The following ARHGAP21 variants were observed in gnomAD, a reference collection of about 807,000 sequenced individuals.
The protein encoded by ARHGAP21 is Rho GTPase activating protein 21, also known as rho GTPase-activating protein 21.
In ARHGAP21, 38 loss-of-function variants were observed where a neutral mutation model predicts 164.6. The observed-to-expected ratio is 0.23, with a 90% CI of 0.18 to 0.30. ARHGAP21 has a LOEUF of 0.30. ARHGAP21 is among the 10% of genes least tolerant of loss of function. The pLI, the probability that ARHGAP21 is intolerant of heterozygous loss-of-function variation, is 1.00. For missense variants in ARHGAP21, 1,822 were observed against 2,370.7 expected (o/e 0.77, Z 4.81); for synonymous variants, 766 against 857.9 (o/e 0.89, Z 1.87).
chr10:24,629,526 A>C (rs1211380995), intron 7 of ARHGAP21: 1 of 158,736 alleles, frequency 6.3e-6, no homozygotes, highest in African/African-American at 2.4e-5. Flanking sequence ...CTGCTTGGTG[A>C]ATTTACAAAC....
intron 4 of ARHGAP21, among the ~76,000 whole-genome samples, chr10:24,657,150 G>T (rs1179883452): frequency 3.5e-5 from 1 of 28,790 alleles, no homozygotes; most frequent in Non-Finnish European, 6.9e-5. Context: ...CCGGCCAGCC[G>T]CCCCGTCCGG....
chr10:24,597,559 T>C lies in ARHGAP21; in HGVS notation c.3222A>G (p.Thr1074=). ...LMSKAEQLPK[T]PRQSLSIRQT... ...GCCTGATGCTGAGACTCTGGCGAGG[T>C]GTTTTTGGCAACTGTTCTGCTTTGC... is the stretch of plus-strand genomic sequence containing the variant. Residue 1074 remains threonine (T), a synonymous_variant, in exon 16 of 26, where the codon ACA becomes ACG. Transcript: ENST00000396432. The C allele has an allele frequency of 6.2e-7, 1 of 1,613,988 alleles. No individual in the cohort carries two copies. Among genetic ancestry groups the C allele is most frequent in the African/African-American group, 1.3e-5 (1 of 75,000 alleles).
At chr10:24,631,059 G>A (rs1364724215) in intron 6 of ARHGAP21, among the ~76,000 whole-genome samples, 5 of 152,272 alleles carry the variant, frequency 3.3e-5, no homozygotes, top group African/African-American at 1.2e-4. Context: ...AAACAAAACT[G>A]AATCCTGTGA....
At position 24,591,678 on chromosome 10, in the gene ARHGAP21, G is replaced by C. The variant is rs2076337107; in HGVS notation, c.4008C>G (p.Asp1336Glu). 1.2e-6 allele frequency: 2 copies of C among 1,613,916 alleles called. No homozygotes were observed. The highest frequency in any genetic ancestry group is 1.7e-6 in the Non-Finnish European group (2 of 1,179,946). ...CAGCACCTTCTTCTGTGAAAAACCA[G>C]TCATGCTAAAATTTAAAAAAGGTGA... The part of the protein sequence containing the change: ...KIVETLIQHH[D>E]WFFTEEGAEE... Residue 1336 changes from aspartate to glutamate, a missense_variant, in exon 23 of 26, where the codon GAC (aspartate) becomes GAG (glutamate). This residue lies in a region of ARHGAP21 where 117 missense variants were observed against 238.1 expected (regional missense o/e 0.49). Coordinates refer to ENST00000396432, the MANE Select transcript of ARHGAP21 (RefSeq NM_020824.4).
At chr10:24,638,430 A>G (rs960713029) in intron 4 of ARHGAP21, among the ~76,000 whole-genome samples, 10 of 152,226 alleles carry the variant, frequency 6.6e-5, no homozygotes, top group Non-Finnish European at 1.3e-4. Flanking sequence ...CAGAAGTATC[A>G]TATTTAACAC....
intron 7 of ARHGAP21, chr10:24,628,908 CAT>C (rs1236746616): frequency 1.4e-5 from 1 of 70,900 alleles, no homozygotes; most frequent in Non-Finnish European, 2.7e-5. Context: ...CATATATACA[CAT>C]ATATACACAT....
In ARHGAP21 at chr10:24,664,419, G is replaced by T. The variant is rs191246986; in HGVS notation, c.268+2566C>A. On this transcript the variant is annotated intron_variant, in intron 4 of 25. Transcript: ENST00000396432. ...AAAATACAAAAATTAGCTGGGCGTG[G>T]TGGCGTGCGCTTTTAGTCCCAGCTA... Among the ~76,000 whole-genome samples, 161 of 152,072 alleles carry T rather than the reference G, an allele frequency of 1.1e-3. 1 individual carries two copies. The highest frequency in any genetic ancestry group is 6.8e-3 in the Middle Eastern group (2 of 294).
chr10:24,637,647 G>C (rs1199793886), intron 4 of ARHGAP21, among the ~76,000 whole-genome samples: 2 of 152,156 alleles, frequency 1.3e-5, no homozygotes, highest in Admixed American at 1.3e-4. Context: ...CACTTACACA[G>C]AACAGAGGTG....
At chr10:24,595,334 C>A in intron 19 of ARHGAP21, 144 bp from the exon 20 acceptor site, 1 of 760,408 alleles carries the variant, frequency 1.3e-6, no homozygotes. Flanking sequence ...AATGTAAGTT[C>A]CCTGCAGGAA....
At chr10:24,586,831 C>T (rs979424445) in intron 25 of ARHGAP21, among the ~76,000 whole-genome samples, 4 of 152,046 alleles carry the variant, frequency 2.6e-5, no homozygotes, top group African/African-American at 4.8e-5. Flanking sequence ...GCAGATTGCT[C>T]GAGCCCAGAA....
rs757609047 is a variant in ARHGAP21 at position 24,591,696 on chromosome 10, A to AAAG, written c.4003-16_4003-14dup. 1.9e-6 allele frequency: 3 copies of AAAG among 1,613,784 alleles called. No homozygotes were observed. The highest frequency in any genetic ancestry group is 1.7e-6 in the Non-Finnish European group (2 of 1,179,782). ...AAAACCAGTCATGCTAAAATTTAAA[A>AAAG]AAGGTGAGAAGAGAAATTAAACAAG... On this transcript the variant is annotated splice_polypyrimidine_tract_variant and intron_variant, in intron 22 of 25. Coordinates refer to ENST00000396432, the MANE Select transcript of ARHGAP21 (RefSeq NM_020824.4).
At chr10:24,696,835 G>A (rs1175467730) in intron 2 of ARHGAP21, among the ~76,000 whole-genome samples, 1 of 152,218 alleles carries the variant, frequency 6.6e-6, no homozygotes, top group Non-Finnish European at 1.5e-5. Context: ...ACCCTCGGGA[G>A]GGCCCACAGG....
Position 24,700,522 on chromosome 10 carries a change from G to A in ARHGAP21, c.63+21315C>T, listed in dbSNP as rs149392811. ...AATAATAAGAATTAAAGATGGTTTC[G>A]ATTTTTCCATTTATGTTAACAATGA... On this transcript the variant is annotated intron_variant, in intron 2 of 25. Coordinates refer to ENST00000396432, the MANE Select transcript of ARHGAP21 (RefSeq NM_020824.4). Among the ~76,000 whole-genome samples, 228 of 152,210 alleles carry A rather than the reference G, an allele frequency of 1.5e-3. 5 individuals carry two copies. In the East Asian group the frequency reaches 0.037, roughly 25 times the overall value.
At chr10:24,647,570 G>C (rs1163821346) in intron 4 of ARHGAP21, among the ~76,000 whole-genome samples, 1 of 152,178 alleles carries the variant, frequency 6.6e-6, no homozygotes, top group Non-Finnish European at 1.5e-5. Context: ...GCAGCTTTGA[G>C]AGCAGTCATT....
At chr10:24,617,720 T>C (rs1438049449) in intron 9 of ARHGAP21, among the ~76,000 whole-genome samples, 1 of 152,046 alleles carries the variant, frequency 6.6e-6, no homozygotes, top group Non-Finnish European at 1.5e-5. Flanking sequence ...AGCTTTACAA[T>C]TGATAGCTTT....
chr10:24,721,688 C>A, intron 2 of ARHGAP21, 149 bp downstream of exon 2: 2 of 800,738 alleles, frequency 2.5e-6, no homozygotes, highest in Middle Eastern at 4.6e-4. Flanking sequence ...CTTCTCCTCG[C>A]TACTGGTTAA....
At position 24,584,870 on chromosome 10, in the gene ARHGAP21, G is replaced by C. The variant is rs1435159859; in HGVS notation, c.5419C>G (p.His1807Asp). 1.9e-6 allele frequency: 3 copies of C among 1,613,904 alleles called. No homozygotes were observed. The highest frequency in any genetic ancestry group is 2.5e-6 in the Non-Finnish European group (3 of 1,179,842). ...ACGCTGATTTCGGTAGCATCTCTGT[G>C]CCCTCCTAGTGTATGTCTGCGCCGG... ...SIRRRHTLGG[H>D]RDATEISVLN... The change falls in exon 26 of 26, where the codon CAC (histidine) becomes GAC (aspartate). Residue 1807 changes from histidine (H) to aspartate (D), a missense_variant. Around this residue, in one of 5 missense-constraint regions of ARHGAP21, gnomAD observed 117 missense variants for 193.2 expected, o/e 0.61. Coordinates refer to ENST00000396432, the MANE Select transcript of ARHGAP21 (RefSeq NM_020824.4).
intron 14 of ARHGAP21, among the ~76,000 whole-genome samples, chr10:24,598,523 GAAGAT>G (rs1228698867): frequency 1.3e-5 from 2 of 151,916 alleles, no homozygotes; most frequent in African/African-American, 2.4e-5. Flanking sequence ...TACATTATCA[GAAGAT>G]AAGAGAAAAG....
intron 9 of ARHGAP21, among the ~76,000 whole-genome samples, chr10:24,609,549 G>A (rs776294801): frequency 2.0e-4 from 30 of 152,144 alleles, no homozygotes; most frequent in Non-Finnish European, 3.4e-4. Context: ...GTTAAAAGGA[G>A]AAAAGGAAAA....
Sources: allele counts gnomAD v4.1 joint callset (sites outside exome capture counted in the v4.1 genomes callset), GRCh38; gene constraint gnomAD v4.1.1; regional missense constraint gnomAD v4.1.1; transcripts MANE v1.5; gene names NCBI Gene and HGNC (gene_info 2026-07-23, HGNC 2026-07-21).